The following SCMH1 variants were observed in gnomAD, a reference collection of about 807,000 sequenced individuals.
The protein encoded by SCMH1 is polycomb protein SCMH1.
Under a neutral mutation model 70.8 loss-of-function variants are expected in SCMH1, and 37 were observed. The observed-to-expected ratio is 0.52, with a 90% confidence interval of 0.40 to 0.69. SCMH1 has a LOEUF of 0.69. Among genes scored for constraint, SCMH1 ranks in the 30% least tolerant of loss-of-function variants. The pLI, the probability that SCMH1 is intolerant of heterozygous loss-of-function variation, is 0.00. For missense variants in SCMH1, 607 were observed against 827.3 expected, an observed-to-expected ratio of 0.73 and a Z score of 3.27; for synonymous variants, 292 against 307.4, an observed-to-expected ratio of 0.95 and a Z score of 0.52.
intron 10 of SCMH1, among the ~76,000 whole-genome samples, chr1:41,051,096 G>A (rs1647958154): frequency 6.6e-6 from 1 of 152,126 alleles, no homozygotes. Flanking sequence ...TACAAATTGT[G>A]GTACAGTCAT....
intron 5 of SCMH1, among the ~76,000 whole-genome samples, chr1:41,147,602 T>C (rs1413212923): frequency 6.6e-6 from 1 of 152,168 alleles, no homozygotes; most frequent in East Asian, 1.9e-4. Flanking sequence ...GCTGATTTTT[T>C]TTCTCTACTT....
exon 15 of SCMH1, chr1:41,028,108 G>C: frequency 6.4e-7 from 1 of 1,551,704 alleles, no homozygotes; most frequent in South Asian, 1.2e-5. Context: ...ACCCCACTGA[G>C]GTGCCTGGGG....
At chr1:41,092,053 C>G (rs922647130) in intron 8 of SCMH1, among the ~76,000 whole-genome samples, 1 of 152,154 alleles carries the variant, frequency 6.6e-6, no homozygotes, top group Non-Finnish European at 1.5e-5. Flanking sequence ...AAAAAAGAGC[C>G]CGCATTGCCA....
chr1:41,034,331 T>C (rs2148541158), intron 13 of SCMH1, among the ~76,000 whole-genome samples: 1 of 151,760 alleles, frequency 6.6e-6, no homozygotes, highest in South Asian at 2.1e-4. Context: ...TCTTTTCTTT[T>C]CTTTTTTTTT....
exon 9 of SCMH1, chr1:41,075,319 C>T (rs768485809): frequency 2.5e-6 from 4 of 1,614,126 alleles, no homozygotes; most frequent in East Asian, 2.2e-5. Flanking sequence ...CTTGGGTGTC[C>T]GGCCCCGCTT....
intron 8 of SCMH1, among the ~76,000 whole-genome samples, chr1:41,077,904 T>A (rs759855787): frequency 6.6e-6 from 1 of 152,150 alleles, no homozygotes; most frequent in Non-Finnish European, 1.5e-5. Context: ...GTGTGATCAG[T>A]AATCAAGAGA....
At chr1:41,033,070 C>T (rs1644777368) in intron 13 of SCMH1, among the ~76,000 whole-genome samples, 1 of 151,594 alleles carries the variant, frequency 6.6e-6, no homozygotes. Context: ...GGCAGGCAGA[C>T]TGCTTGAGCC....
chr1:41,091,217 A>G (rs1663387338), intron 8 of SCMH1, among the ~76,000 whole-genome samples: 1 of 152,172 alleles, frequency 6.6e-6, no homozygotes, highest in Non-Finnish European at 1.5e-5. Context: ...CCTGGGATGC[A>G]AGGCTGGTTC....
intron 1 of SCMH1, among the ~76,000 whole-genome samples, chr1:41,234,166 G>A (rs1188120979): frequency 6.6e-6 from 1 of 152,106 alleles, no homozygotes; most frequent in Non-Finnish European, 1.5e-5. Flanking sequence ...CAGGCATGAT[G>A]GCTCACGCCT....
At chr1:41,048,668 A>G (rs371495684) in intron 11 of SCMH1, 22 bp downstream of exon 11, 47 of 1,610,020 alleles carry the variant, frequency 2.9e-5, no homozygotes, top group African/African-American at 9.4e-5. Context: ...CTGGGAGGCA[A>G]TATGAGCCAA....
intron 6 of SCMH1, among the ~76,000 whole-genome samples, 163 bp from the exon 7 acceptor site, chr1:41,117,173 T>C (rs1572281206): frequency 6.6e-6 from 1 of 152,132 alleles, no homozygotes; most frequent in South Asian, 2.1e-4. Flanking sequence ...ATATAGATCA[T>C]AGATATGATT....
chr1:41,118,876 A>G (rs1338284447), intron 6 of SCMH1, among the ~76,000 whole-genome samples: 4 of 152,228 alleles, frequency 2.6e-5, no homozygotes. Flanking sequence ...AGCTGCACCC[A>G]AGCTGCAAAG....
At chr1:41,179,783 G>A (rs1312982966) in intron 2 of SCMH1, among the ~76,000 whole-genome samples, 3 of 152,200 alleles carry the variant, frequency 2.0e-5, no homozygotes, top group Non-Finnish European at 2.9e-5. Context: ...TCTACCAGAT[G>A]TACAAGGAGG....
chr1:41,162,786 G>C (rs1364478314), intron 2 of SCMH1: 3 of 152,238 alleles, frequency 2.0e-5, no homozygotes, highest in Non-Finnish European at 4.4e-5. Flanking sequence ...TACCTGCAGA[G>C]AGGAGCTATC....
At chr1:41,235,569 TAAAAAAAA>T (rs61093555) in intron 1 of SCMH1, among the ~76,000 whole-genome samples, 9 of 43,118 alleles carry the variant, frequency 2.1e-4, no homozygotes, top group East Asian at 2.0e-3. Context: ...AGACTCCGTC[TAAAAAAAA>T]AAAAAAAAAA....
At position 41,116,914 on chromosome 1, in the gene SCMH1, T is replaced by C. The variant is rs764357516; in HGVS notation, c.501+8A>G. The C allele has an allele frequency of 2.0e-5, 32 of 1,592,834 alleles. No individual in the cohort carries two copies. Among genetic ancestry groups the C allele is most frequent in the Non-Finnish European group, 2.7e-5 (31 of 1,168,618 alleles). ...CCTGGAGCTGGTGATATCTGAGGGA[T>C]AGCCTACCTTGTGGAAAATCCTGAT... On this transcript the variant is annotated splice_region_variant and intron_variant, in intron 7 of 14. Transcript: ENST00000337495.
At chr1:41,107,781 G>GT (rs1668353030) in intron 8 of SCMH1, among the ~76,000 whole-genome samples, 1 of 152,182 alleles carries the variant, frequency 6.6e-6, no homozygotes, top group African/African-American at 2.4e-5. Context: ...GCCTCCCAAA[G>GT]TGCTGGGATT....
intron 1 of SCMH1, among the ~76,000 whole-genome samples, chr1:41,197,983 A>G (rs980531369): frequency 1.3e-5 from 2 of 152,196 alleles, no homozygotes; most frequent in Admixed American, 1.3e-4. Context: ...GGGCTTGAAT[A>G]CTAACTTTGT....
intron 8 of SCMH1, among the ~76,000 whole-genome samples, chr1:41,101,812 C>G (rs1023086695): frequency 6.6e-6 from 1 of 152,080 alleles, no homozygotes. Flanking sequence ...AATGGAGACA[C>G]TGGACTCACA....
Sources: gnomAD v4.1 joint callset for allele counts (sites outside exome capture counted in the v4.1 genomes callset) on GRCh38, gnomAD v4.1.1 for gene constraint, MANE v1.5 for transcripts, NCBI Gene and HGNC (gene_info 2026-07-23, HGNC 2026-07-21) for gene names.